Variants in PROM2 observed in about 807,000 individuals in gnomAD.
The protein encoded by PROM2 is prominin-2.
A neutral mutation model predicts 110.2 loss-of-function variants in PROM2; 90 were observed. That is an observed-to-expected ratio of 0.82 (90% CI 0.69 to 0.97). PROM2 has a LOEUF of 0.97. PROM2 is among the 50% of genes least tolerant of loss of function. The pLI, the probability that PROM2 is intolerant of heterozygous loss-of-function variation, is 0.00. For missense variants in PROM2, 1,009 were observed against 1,074.8 expected, an observed-to-expected ratio of 0.94 and a Z score of 0.86; for synonymous variants, 470 against 467.8, an observed-to-expected ratio of 1.00 and a Z score of -0.06.
chr2:95,275,851 G>T lies in PROM2; in HGVS notation c.295-79G>T. The T allele has an allele frequency of 6.5e-7, 1 of 1,543,630 alleles. No individual in the cohort carries two copies. The highest frequency in any genetic ancestry group is 8.7e-7 in the Non-Finnish European group (1 of 1,147,740). ...CCTGACGGCACTCCCGCCCCTTCTG[G>T]TTTCCCTCTGGACTCAGGCAGAAGC... On this transcript the variant is annotated intron_variant, in intron 2 of 23. Coordinates refer to ENST00000317620, the MANE Select transcript of PROM2 (RefSeq NM_001165978.3). This position sits in a 1 kb window ranked among gnomAD's most constrained non-coding sequence, Gnocchi z 4.4.
At chr2:95,288,340 C>G in intron 21 of PROM2, 40 bp downstream of exon 21, 2 of 1,609,370 alleles carry the variant, frequency 1.2e-6, no homozygotes, top group South Asian at 1.1e-5. Context: ...CACCAAGTCC[C>G]GGAGCCTTCC....
chr2:95,287,244 T>C (rs752128615), intron 19 of PROM2, 31 bp downstream of exon 19: 3 of 1,595,426 alleles, frequency 1.9e-6, no homozygotes, highest in Admixed American at 3.4e-5. Flanking sequence ...GGAAGGGGCT[T>C]CCACCCCAGG....
chr2:95,278,262 C>T (rs187206586), intron 8 of PROM2: 94 of 570,442 alleles, frequency 1.6e-4, no homozygotes, highest in Non-Finnish European at 2.6e-4. Flanking sequence ...AGAGGGCAGG[C>T]GGCTCCCCTG....
At chr2:95,283,131 AG>A (rs1677147058) in intron 14 of PROM2, among the ~76,000 whole-genome samples, 1 of 152,170 alleles carries the variant, frequency 6.6e-6, no homozygotes, top group Non-Finnish European at 1.5e-5. Flanking sequence ...GAGCTCCCCG[AG>A]CAGGCGATAT....
chr2:95,274,721 A>G lies in PROM2; in HGVS notation c.136A>G (p.Arg46Gly), dbSNP rs1413239465. Residue 46 changes from arginine (R) to glycine (G), a missense_variant, in exon 1 of 24, where the codon AGG (arginine) becomes GGG (glycine). Transcript: ENST00000317620. ...AEHLTFTPAA[R>G]ARWLAPRVRA... ...GCACCTGACATTCACCCCAGCAGCC[A>G]GGGCCCGGTGGCTGGCCCCTCGAGT... 7 of 1,612,220 alleles carry G rather than the reference A, an allele frequency of 4.3e-6. No individual in the cohort carries two copies. Among genetic ancestry groups the G allele is most frequent in the African/African-American group, 1.3e-5 (1 of 74,904 alleles).
chr2:95,288,609 G>T lies in PROM2; in HGVS notation c.2441+20G>T. ...CCTCAGGTGAGGGGCTGCCAGGGCT[G>T]CAGGCAGCATCAGGGGCCAGGGAGG... On this transcript the variant is annotated intron_variant, in intron 22 of 23. Coordinates refer to ENST00000317620, the MANE Select transcript of PROM2 (RefSeq NM_001165978.3). 1 of 1,596,618 alleles carries T rather than the reference G, an allele frequency of 6.3e-7. No homozygotes were observed. The highest frequency in any genetic ancestry group is 8.6e-7 in the Non-Finnish European group (1 of 1,165,174).
At chr2:95,289,095 C>T (rs1332017011) in intron 23 of PROM2, 89 bp downstream of exon 23, 2 of 1,111,468 alleles carry the variant, frequency 1.8e-6, no homozygotes, top group African/African-American at 3.1e-5. Flanking sequence ...TTTCCAGGGC[C>T]TAGGAGGGCA....
chr2:95,281,130 T>C (rs1677015795), intron 11 of PROM2, 112 bp from the exon 12 acceptor site: 3 of 1,440,576 alleles, frequency 2.1e-6, no homozygotes, highest in Non-Finnish European at 2.8e-6. Context: ...AAAGGCTCTG[T>C]GCTGGGGCCA....
At chr2:95,285,511 T>A (rs1193733575) in intron 15 of PROM2, 128 bp from the exon 16 acceptor site, 1 of 690,480 alleles carries the variant, frequency 1.4e-6, no homozygotes, top group African/African-American at 1.8e-5. Context: ...GTGACTGATG[T>A]GTCACAATAC....
chr2:95,275,361 C>A lies in PROM2; in HGVS notation c.245-100C>A. ...GAGGGTGCCATGGTGGTGGCAGGAG[C>A]CCTGCCTCAGAGCCACTTTGCCCTG... On this transcript the variant is annotated intron_variant, in intron 1 of 23. Transcript: ENST00000317620. The surrounding 1 kb of genome is among the most constrained non-coding windows in gnomAD (Gnocchi z 4.4). 8.6e-7 allele frequency: 1 copy of A among 1,158,298 alleles called. No individual in the cohort carries two copies. Among genetic ancestry groups the A allele is most frequent in the Non-Finnish European group, 1.2e-6 (1 of 803,854 alleles). The allele number at this position is 1,158,298 out of a possible 1,614,324, so 71.8% of individuals were successfully genotyped here. A position where few individuals can be genotyped will look rare whatever the true frequency, so the allele number is the denominator to read the frequency against.
chr2:95,290,558 T>TATGA lies in PROM2; in HGVS notation c.*1346_*1349dup, dbSNP rs1157579606. ...TGCTTGTTCGCTCAGCTTCTCCATT[T>TATGA]ATGAGATGGGGAGAATAGTCACAGC... On this transcript the variant is annotated 3_prime_UTR_variant, in exon 24 of 24. Transcript: ENST00000317620. The TATGA allele has an allele frequency of 6.6e-6, 1 of 152,174 alleles. No individual in the cohort carries two copies. The highest frequency in any genetic ancestry group is 2.4e-5 in the African/African-American group (1 of 41,438). 9.4% of individuals were successfully genotyped at this position (152,174 alleles called of 1,614,324 possible).
In PROM2 at chr2:95,284,960, C is replaced by G; in HGVS notation, c.1729-9C>G. The G allele has an allele frequency of 1.2e-6, 2 of 1,608,384 alleles. No homozygotes were observed. The highest frequency in any genetic ancestry group is 1.7e-5 in the Admixed American group (1 of 59,542). On this transcript the variant is annotated splice_polypyrimidine_tract_variant and intron_variant, in intron 14 of 23. Transcript: ENST00000317620. ...GGGCATGACTCCCACCCTGCGCCTG[C>G]TCTCCCAGTATACCAACAAGCTACG...
chr2:95,288,842 G>C, intron 22 of PROM2, 91 bp from the exon 23 acceptor site: 1 of 1,334,846 alleles, frequency 7.5e-7, no homozygotes, highest in Non-Finnish European at 1.1e-6. Flanking sequence ...GGCTTCCGAG[G>C]AGAAACCCTC....
chr2:95,281,035 G>A (rs1431438366), intron 11 of PROM2, among the ~76,000 whole-genome samples: 1 of 152,232 alleles, frequency 6.6e-6, no homozygotes, highest in Non-Finnish European at 1.5e-5. Context: ...GGGTGGGGAT[G>A]AGGTGAAGGT....
intron 17 of PROM2, 46 bp downstream of exon 17, chr2:95,286,617 CG>C (rs1558749075): frequency 6.5e-7 from 1 of 1,535,090 alleles, no homozygotes; most frequent in Non-Finnish European, 9.0e-7. Flanking sequence ...GGAGGGGAGA[CG>C]TGGAGAGGGG....
chr2:95,289,122 TG>T, intron 23 of PROM2, 101 bp from the exon 24 acceptor site: 1 of 814,754 alleles, frequency 1.2e-6, no homozygotes, highest in Non-Finnish European at 2.1e-6. Flanking sequence ...CTTGGGGACA[TG>T]GTGGAGTCTG....
Position 95,284,952 on chromosome 2 carries a change from T to C in PROM2, c.1729-17T>C, listed in dbSNP as rs754202666. 17 of 1,606,390 alleles carry C rather than the reference T, an allele frequency of 1.1e-5. No homozygotes were observed. In the East Asian group the frequency reaches 3.4e-4, roughly 32 times the overall value. ...CAGCAACTGGGCATGACTCCCACCC[T>C]GCGCCTGCTCTCCCAGTATACCAAC... On this transcript the variant is annotated splice_polypyrimidine_tract_variant and intron_variant, in intron 14 of 23. Coordinates refer to ENST00000317620, the MANE Select transcript of PROM2 (RefSeq NM_001165978.3).
Position 95,279,936 on chromosome 2 carries a change from G to T in PROM2, c.1366G>T (p.Ala456Ser). The T allele has an allele frequency of 1.3e-6, 2 of 1,542,526 alleles. No homozygotes were observed. Among genetic ancestry groups the T allele is most frequent in the Non-Finnish European group, 1.8e-6 (2 of 1,142,154 alleles). ...GLNLGIWGLS[A>S]RDDPSHPEAK... Reference sequence around the variant, plus strand: ...CAATCTGGGCATCTGGGGCCTGTCTGCCAGGGACGACCCCAGCCACCCAGA... The same window carrying T: ...CAATCTGGGCATCTGGGGCCTGTCTTCCAGGGACGACCCCAGCCACCCAGA... The change falls in exon 11 of 24, where the codon GCC (alanine) becomes TCC (serine). Residue 456 changes from alanine (A) to serine (S), a missense_variant. Coordinates refer to ENST00000317620, the MANE Select transcript of PROM2 (RefSeq NM_001165978.3).
Position 95,279,076 on chromosome 2 carries a change from G to A in PROM2, c.1206G>A (p.Gln402=). 1.2e-6 allele frequency: 2 copies of A among 1,611,784 alleles called. No homozygotes were observed. The highest frequency in any genetic ancestry group is 1.7e-6 in the Non-Finnish European group (2 of 1,179,278). Residue 402 remains glutamine (Q), a synonymous_variant, in exon 10 of 24, where the codon CAG becomes CAA. Transcript: ENST00000317620. ...PGLEAASRWA[Q]ALQEVEESSR... is the part of the protein sequence containing the mutation. Reference sequence around the variant, plus strand: ...TGGAGGCAGCTTCCCGCTGGGCCCAGGCACTGCAGGAGGTGGAGGAGAGCA... The same window carrying A: ...TGGAGGCAGCTTCCCGCTGGGCCCAAGCACTGCAGGAGGTGGAGGAGAGCA...
Sources: allele counts gnomAD v4.1 joint callset (sites outside exome capture counted in the v4.1 genomes callset), GRCh38; gene constraint gnomAD v4.1.1; non-coding constraint Gnocchi (gnomAD v3.1); transcripts MANE v1.5; gene names NCBI Gene and HGNC (gene_info 2026-07-23, HGNC 2026-07-21).